The following MARCHF1 variants were observed in gnomAD, a reference collection of about 807,000 sequenced individuals.
MARCHF1 encodes the protein membrane associated ring-CH-type finger 1, also known as E3 ubiquitin-protein ligase MARCHF1.
MARCHF1 carries 40 observed loss-of-function variants against 54.2 expected under a neutral mutation model. The observed-to-expected ratio is 0.74, with a 90% CI of 0.57 to 0.96. The LOEUF (loss-of-function observed/expected upper bound fraction) is 0.96. Among genes scored for constraint, MARCHF1 ranks in the 40% least tolerant of loss-of-function variants. The probability of loss-of-function intolerance (pLI) is 0.00; values close to 1 mark genes in which losing one functional copy is unlikely to be tolerated. For missense variants in MARCHF1, 586 were observed against 656.5 expected (o/e 0.89, Z 1.17); for synonymous variants, 236 against 236.3 (o/e 1.00, Z 0.01).
intron 4 of MARCHF1, among the ~76,000 whole-genome samples, chr4:163,720,662 A>T (rs1021645128): frequency 2.0e-5 from 3 of 152,194 alleles, no homozygotes; most frequent in Admixed American, 6.5e-5. Flanking sequence ...ATCCATGAAC[A>T]TGGAATGTTC....
intron 4 of MARCHF1, among the ~76,000 whole-genome samples, chr4:163,797,588 C>G (rs1196425983): frequency 6.6e-6 from 1 of 151,928 alleles, no homozygotes. Context: ...ATTAATTTTG[C>G]TCTGTACTAC....
chr4:163,617,680 G>GTA (rs1210178531), intron 5 of MARCHF1, among the ~76,000 whole-genome samples: 1 of 151,902 alleles, frequency 6.6e-6, no homozygotes, highest in African/African-American at 2.4e-5. Context: ...TTTATTCTAT[G>GTA]TATGGCCATA....
At chr4:163,533,215 C>T (rs1560926739) in intron 9 of MARCHF1, among the ~76,000 whole-genome samples, 2 of 151,806 alleles carry the variant, frequency 1.3e-5, no homozygotes, top group Non-Finnish European at 2.9e-5. Context: ...ACGAAGAAAC[C>T]TTAAATGTAT....
intron 3 of MARCHF1, among the ~76,000 whole-genome samples, chr4:163,913,671 T>C (rs1443239969): frequency 6.6e-6 from 1 of 152,208 alleles, no homozygotes; most frequent in Non-Finnish European, 1.5e-5. Context: ...CTGAGGAGAA[T>C]GAGCCTTCCT....
At chr4:164,308,709 T>C (rs950946046) in intron 1 of MARCHF1, among the ~76,000 whole-genome samples, 1 of 151,898 alleles carries the variant, frequency 6.6e-6, no homozygotes, top group Non-Finnish European at 1.5e-5. Context: ...TAGAGAAAAA[T>C]GAGGGTATAT....
At position 163,776,919 on chromosome 4, in the gene MARCHF1, C is replaced by T. The variant is rs13138484; in HGVS notation, c.112-76056G>A. 6.3e-3 allele frequency among the ~76,000 whole-genome samples: 961 copies of T among 152,216 alleles called. 5 individuals carry two copies. Among genetic ancestry groups the T allele is most frequent in the Middle Eastern group, 0.014 (4 of 294 alleles). Reference sequence around the variant, plus strand: ...GAGAGTATAGACAAACTCGTGGCATCTTTTTCTACCCTCAAGATACAATGC... The same window carrying T: ...GAGAGTATAGACAAACTCGTGGCATTTTTTTCTACCCTCAAGATACAATGC... On this transcript the variant is annotated intron_variant, in intron 4 of 9. Coordinates refer to ENST00000514618, the MANE Select transcript of MARCHF1 (RefSeq NM_001394959.1).
chr4:163,872,961 G>A (rs1242734765), intron 3 of MARCHF1, among the ~76,000 whole-genome samples: 3 of 151,856 alleles, frequency 2.0e-5, no homozygotes, highest in African/African-American at 7.3e-5. Flanking sequence ...GGAGAATGGC[G>A]TGAACCCTGG....
chr4:163,868,589 A>G (rs1425825987), intron 3 of MARCHF1, among the ~76,000 whole-genome samples: 1 of 151,976 alleles, frequency 6.6e-6, no homozygotes, highest in African/African-American at 2.4e-5. Context: ...TTGTGTACAT[A>G]TATCTATATA....
At chr4:164,317,773 G>T (rs1264491996) in intron 1 of MARCHF1, among the ~76,000 whole-genome samples, 1 of 152,162 alleles carries the variant, frequency 6.6e-6, no homozygotes, top group Non-Finnish European at 1.5e-5. Flanking sequence ...GTTTTTTGTT[G>T]TATTGGCTGT....
intron 4 of MARCHF1, among the ~76,000 whole-genome samples, chr4:163,785,582 A>G (rs1747595231): frequency 6.6e-6 from 1 of 152,072 alleles, no homozygotes; most frequent in African/African-American, 2.4e-5. Flanking sequence ...GTAGGAGAAC[A>G]ATATCTAGTG....
intron 1 of MARCHF1, among the ~76,000 whole-genome samples, chr4:164,142,470 G>C (rs1756571758): frequency 1.3e-5 from 2 of 152,184 alleles, no homozygotes; most frequent in African/African-American, 2.4e-5. Context: ...CGCAGCTGGA[G>C]ATCTGAGAAC....
At chr4:164,142,334 C>G (rs945070226) in intron 1 of MARCHF1, among the ~76,000 whole-genome samples, 1 of 152,150 alleles carries the variant, frequency 6.6e-6, no homozygotes. Context: ...CTCAAGGAGG[C>G]CTGCCTGCCT....
intron 3 of MARCHF1, among the ~76,000 whole-genome samples, chr4:163,912,442 G>T (rs1751213706): frequency 6.6e-6 from 1 of 152,160 alleles, no homozygotes; most frequent in Admixed American, 6.6e-5. Context: ...GTAGCTCCGT[G>T]GGATGGGAAG....
chr4:164,124,826 T>C (rs1238353366), intron 1 of MARCHF1, among the ~76,000 whole-genome samples: 1 of 151,952 alleles, frequency 6.6e-6, no homozygotes, highest in Non-Finnish European at 1.5e-5. Flanking sequence ...AGTGTGCACT[T>C]TAAAAAAAGA....
intron 2 of MARCHF1, among the ~76,000 whole-genome samples, chr4:164,044,894 G>C (rs1754209392): frequency 6.6e-6 from 1 of 151,982 alleles, no homozygotes; most frequent in Non-Finnish European, 1.5e-5. Context: ...GGTGTCATCT[G>C]CTGGAAGTAG....
chr4:164,186,253 G>A (rs1405427704), intron 1 of MARCHF1, among the ~76,000 whole-genome samples: 4 of 152,130 alleles, frequency 2.6e-5, no homozygotes, highest in South Asian at 2.1e-4. Flanking sequence ...AATCACCAAC[G>A]TGAATAACGT....
Position 164,199,673 on chromosome 4 carries a change from CACACACACAGAGAG to C in MARCHF1, c.-322-88025_-322-88012del, listed in dbSNP as rs1230487005. 9.7e-4 allele frequency among the ~76,000 whole-genome samples: 59 copies of C among 60,732 alleles called. No homozygotes were observed. The Middle Eastern group carries it at 0.021, about 21-fold the overall frequency. The allele number at this position is 60,732 out of a possible 152,430, so 39.8% of individuals were successfully genotyped here. ...ACACACACACACACACACACACACA[CACACACACAGAGAG>C]AGAGAGAGAGAGAGAGAGAGAGAGA... On this transcript the variant is annotated intron_variant, in intron 1 of 9. Transcript: ENST00000514618.
intron 2 of MARCHF1, among the ~76,000 whole-genome samples, chr4:164,075,998 G>C (rs13124807): frequency 0.7 from 105,841 of 152,008 alleles, 38,545 homozygotes; most frequent in Non-Finnish European, 0.82. Flanking sequence ...TTGTAGCCAT[G>C]AATGCAGTTA....
chr4:163,754,545 A>G lies in MARCHF1; in HGVS notation c.112-53682T>C, dbSNP rs117874157. 4.6e-5 allele frequency among the ~76,000 whole-genome samples: 7 copies of G among 152,320 alleles called. No homozygotes were observed. The East Asian group carries it at 1.4e-3, about 29-fold the overall frequency. On this transcript the variant is annotated intron_variant, in intron 4 of 9. Coordinates refer to ENST00000514618, the MANE Select transcript of MARCHF1 (RefSeq NM_001394959.1). ...TGACCTCCGTAATAATGAAAAGCTG[A>G]TAAGATGTAGATTACTCAGATTACT...
Sources: gnomAD v4.1 joint callset for allele counts (sites outside exome capture counted in the v4.1 genomes callset) on GRCh38, gnomAD v4.1.1 for gene constraint, MANE v1.5 for transcripts, NCBI Gene and HGNC (gene_info 2026-07-23, HGNC 2026-07-21) for gene names.